The following GMPR variants were observed in gnomAD, a reference collection of about 807,000 sequenced individuals.
GMPR encodes guanosine monophosphate reductase.
GMPR carries 31 observed loss-of-function variants against 38.4 expected under a neutral mutation model. The observed-to-expected ratio is 0.81, with a 90% CI of 0.61 to 1.09. GMPR has a LOEUF of 1.09. Ranked by LOEUF, GMPR falls within the 50% of genes least tolerant of loss-of-function variation. The pLI is 0.00. For synonymous variants in GMPR, 162 were observed against 173.3 expected, an observed-to-expected ratio of 0.93 and a Z score of 0.51; for missense variants, 468 against 453.7, an observed-to-expected ratio of 1.03 and a Z score of -0.29.
At chr6:16,290,408 T>G in intron 7 of GMPR, 54 bp from the exon 8 acceptor site, 1 of 1,545,800 alleles carries the variant, frequency 6.5e-7, no homozygotes, top group Non-Finnish European at 8.9e-7. Flanking sequence ...GAGAGCCTTT[T>G]CCCCTGAGCT....
At chr6:16,294,641 T>C (rs2113352467) in intron 8 of GMPR, among the ~76,000 whole-genome samples, 1 of 152,282 alleles carries the variant, frequency 6.6e-6, no homozygotes. Flanking sequence ...TGAGGTAGAA[T>C]AGAAAGGTAA....
chr6:16,276,025 G>A (rs761902547), intron 5 of GMPR, among the ~76,000 whole-genome samples: 20 of 151,810 alleles, frequency 1.3e-4, no homozygotes, highest in Non-Finnish European at 2.6e-4. Flanking sequence ...AGCTGAGATC[G>A]CACTACTGCA....
rs918287262 is a variant in GMPR, at chr6:16,284,060, C to T, written c.655-1733C>T. Reference sequence around the variant, plus strand: ...CAGTGGGTTTGGGCCAGATAACATACGGCAAGACCACCTCTGAAATAATAT... The same window carrying T: ...CAGTGGGTTTGGGCCAGATAACATATGGCAAGACCACCTCTGAAATAATAT... On this transcript the variant is annotated intron_variant, in intron 6 of 8. Coordinates refer to ENST00000259727, the MANE Select transcript of GMPR (RefSeq NM_006877.4). 4.6e-5 allele frequency among the ~76,000 whole-genome samples: 7 copies of T among 152,328 alleles called. No individual in the cohort carries two copies. The South Asian group carries it at 6.2e-4, about 14-fold the overall frequency.
chr6:16,246,223 A>G (rs1321618385), intron 1 of GMPR, among the ~76,000 whole-genome samples: 1 of 152,132 alleles, frequency 6.6e-6, no homozygotes, highest in East Asian at 1.9e-4. Context: ...TTAGTCCTAC[A>G]TGCCCCGATC....
chr6:16,259,963 A>C (rs1759049521), intron 4 of GMPR, among the ~76,000 whole-genome samples: 1 of 152,116 alleles, frequency 6.6e-6, no homozygotes, highest in African/African-American at 2.4e-5. Context: ...GGTGAATAGG[A>C]GTATGACTAG....
intron 5 of GMPR, among the ~76,000 whole-genome samples, chr6:16,277,131 G>C (rs1195172017): frequency 2.0e-5 from 3 of 152,210 alleles, no homozygotes; most frequent in East Asian, 1.9e-4. Context: ...TTGCAGGGCG[G>C]GGGGAAGGCG....
At chr6:16,281,729 C>T (rs1192566991) in intron 6 of GMPR, among the ~76,000 whole-genome samples, 2 of 151,572 alleles carry the variant, frequency 1.3e-5, no homozygotes, top group African/African-American at 2.4e-5. Flanking sequence ...AGGCTGGTCT[C>T]GAACTCCTGA....
At chr6:16,269,330 G>A (rs7753495) in intron 4 of GMPR, among the ~76,000 whole-genome samples, 17,368 of 152,160 alleles carry the variant, frequency 0.11, 1,856 homozygotes, top group African/African-American at 0.27. Flanking sequence ...TCTAGCATTC[G>A]ACCCCAGATC....
chr6:16,285,744 GC>G (rs148568964), intron 6 of GMPR, 48 bp from the exon 7 acceptor site: 109 of 1,535,748 alleles, frequency 7.1e-5, no homozygotes, highest in Non-Finnish European at 9.2e-5. Context: ...GGACAGCCTG[GC>G]TGAGCTCCCG....
chr6:16,274,393 A>T, intron 4 of GMPR, 22 bp from the exon 5 acceptor site: 1 of 1,427,384 alleles, frequency 7.0e-7, no homozygotes, highest in Non-Finnish European at 9.9e-7. Flanking sequence ...CATGATCATC[A>T]GCTGTATTCT....
chr6:16,254,619 C>T lies in GMPR; in HGVS notation c.349C>T (p.Leu117=), dbSNP rs772708970. 4 of 1,613,804 alleles carry T rather than the reference C, an allele frequency of 2.5e-6. No homozygotes were observed. Among genetic ancestry groups the T allele is most frequent in the Non-Finnish European group, 3.4e-6 (4 of 1,179,660 alleles). ...TGATCTGGAAAAGATGACCAGCATC[C>T]TGGAAGCTGTGCCACAGGTTAAGTT... ...QNDLEKMTSI[L]EAVPQVKFIC... is the part of the protein sequence containing the mutation. Residue 117 remains leucine, a synonymous_variant, in exon 4 of 9, where the codon CTG becomes TTG. Coordinates refer to ENST00000259727, the MANE Select transcript of GMPR (RefSeq NM_006877.4).
intron 7 of GMPR, among the ~76,000 whole-genome samples, chr6:16,288,275 C>T (rs1050397565): frequency 3.9e-5 from 6 of 152,228 alleles, no homozygotes; most frequent in Non-Finnish European, 5.9e-5. Context: ...GAGTGGCAAC[C>T]GAGGATGCGC....
At chr6:16,289,663 CTTTCCT>C (rs1400185720) in intron 7 of GMPR, 2 of 110,390 alleles carry the variant, frequency 1.8e-5, no homozygotes, top group Non-Finnish European at 3.3e-5. Flanking sequence ...ACGGGGACTT[CTTTCCT>C]TGAAGCTGTC....
chr6:16,238,966 C>CG (rs1360662890), intron 1 of GMPR, among the ~76,000 whole-genome samples, 186 bp downstream of exon 1: 1 of 151,992 alleles, frequency 6.6e-6, no homozygotes. Flanking sequence ...GGCGGTGATA[C>CG]GGGGGCCCAT....
intron 5 of GMPR, among the ~76,000 whole-genome samples, chr6:16,277,258 C>G (rs1223406530): frequency 6.6e-6 from 1 of 152,168 alleles, no homozygotes; most frequent in East Asian, 1.9e-4. Context: ...GAGGGGCTTG[C>G]CCTGTCTCTC....
At chr6:16,242,700 G>A (rs1016338051) in intron 1 of GMPR, among the ~76,000 whole-genome samples, 20 of 151,978 alleles carry the variant, frequency 1.3e-4, no homozygotes, top group Non-Finnish European at 8.8e-5. Flanking sequence ...GTACAATGGC[G>A]TGATCTTGTC....
chr6:16,286,398 G>A (rs1759679999), intron 7 of GMPR, among the ~76,000 whole-genome samples: 1 of 151,852 alleles, frequency 6.6e-6, no homozygotes, highest in Non-Finnish European at 1.5e-5. Flanking sequence ...TACGGCTGCC[G>A]AGCCATGTGT....
chr6:16,266,388 A>G (rs1464599539), intron 4 of GMPR, among the ~76,000 whole-genome samples: 2 of 124,038 alleles, frequency 1.6e-5, no homozygotes, highest in African/African-American at 3.0e-5. Context: ...GGCACGTCGG[A>G]CGTGCCACCT....
rs190202654 is a variant in GMPR, at chr6:16,256,883, C to A, written c.465+2148C>A. On this transcript the variant is annotated intron_variant, in intron 4 of 8. Transcript: ENST00000259727. Reference sequence around the variant, plus strand: ...GCACCTGGCACAGAGCTTCTGAATCCCTTGAGATTTCCTGGGTGGTAGGAG... The same window carrying A: ...GCACCTGGCACAGAGCTTCTGAATCACTTGAGATTTCCTGGGTGGTAGGAG... Among the ~76,000 whole-genome samples, 299 of 152,224 alleles carry A rather than the reference C, an allele frequency of 2.0e-3. 3 individuals carry two copies. The highest frequency in any genetic ancestry group is 3.5e-3 in the Non-Finnish European group (239 of 68,008).
Sources: allele counts gnomAD v4.1 joint callset (sites outside exome capture counted in the v4.1 genomes callset), GRCh38; gene constraint gnomAD v4.1.1; transcripts MANE v1.5; gene names NCBI Gene and HGNC (gene_info 2026-07-23, HGNC 2026-07-21).